Variants in NCKAP5 observed in about 807,000 individuals in gnomAD.
NCKAP5 encodes nck-associated protein 5.
Under a neutral mutation model 167.0 loss-of-function variants are expected in NCKAP5, and 92 were observed. The ratio of observed to expected loss-of-function variants is 0.55; its 90% CI spans 0.47 to 0.66. The LOEUF is 0.66. Ranked by LOEUF, NCKAP5 falls within the 30% of genes least tolerant of loss-of-function variation. The probability of loss-of-function intolerance (pLI) is 0.00; values close to 1 mark genes in which losing one functional copy is unlikely to be tolerated. For missense variants in NCKAP5, 2,378 were observed against 2,315.0 expected (o/e 1.03, Z -0.56); for synonymous variants, 891 against 877.4 (o/e 1.02, Z -0.27).
chr2:132,996,967 T>C (rs1438538744), intron 6 of NCKAP5, among the ~76,000 whole-genome samples: 1 of 152,214 alleles, frequency 6.6e-6, no homozygotes, highest in Admixed American at 6.5e-5. Flanking sequence ...CAGGCCCATC[T>C]TGAAGCATGT....
rs756453753 is a variant in NCKAP5 at position 132,773,865 on chromosome 2, C to T, written c.5079G>A (p.Glu1693=). The part of the protein sequence containing the change: ...LVKEANENLQ[E]DEDDAVADSV... ...AATCTGCAACTGCATCGTCTTCATC[C>T]TCTTGCAAGTTTTCATTTGCCTCTT... The change falls in exon 16 of 20, where the codon GAG becomes GAA. Residue 1693 remains glutamate, a synonymous_variant. Transcript: ENST00000409261. 3 of 1,610,554 alleles carry T rather than the reference C, an allele frequency of 1.9e-6. No homozygotes were observed. The highest frequency in any genetic ancestry group is 2.2e-5 in the South Asian group (2 of 90,038).
At chr2:133,393,252 G>A (rs932501112) in intron 3 of NCKAP5, among the ~76,000 whole-genome samples, 4 of 152,262 alleles carry the variant, frequency 2.6e-5, no homozygotes, top group Admixed American at 2.0e-4. Context: ...GTTTGACCTT[G>A]TCAAAATCCT....
chr2:132,952,589 A>C (rs571371903), intron 8 of NCKAP5, among the ~76,000 whole-genome samples: 2 of 152,334 alleles, frequency 1.3e-5, no homozygotes, highest in African/African-American at 4.8e-5. Context: ...GCTGTAAAAC[A>C]GCAATGGAGA....
In NCKAP5 at chr2:132,839,500, C is replaced by T. The variant is rs562930686; in HGVS notation, c.807+20992G>A. On this transcript the variant is annotated intron_variant, in intron 11 of 19. Transcript: ENST00000409261. ...AAATGGTGGAGTGCAACAGCTCATG[C>T]CTGTAATCCCAACACTTCAGGAGGC... Among the ~76,000 whole-genome samples, 7 of 152,172 alleles carry T rather than the reference C, an allele frequency of 4.6e-5. No individual in the cohort carries two copies. The South Asian group carries it at 1.2e-3, about 27-fold the overall frequency.
At chr2:133,437,446 T>TA (rs1690561332) in intron 3 of NCKAP5, among the ~76,000 whole-genome samples, 1 of 152,206 alleles carries the variant, frequency 6.6e-6, no homozygotes, top group African/African-American at 2.4e-5. Context: ...AAGGCTGGCG[T>TA]AAAAAACTGA....
chr2:133,413,402 G>A (rs1453929487), intron 3 of NCKAP5, among the ~76,000 whole-genome samples: 1 of 152,160 alleles, frequency 6.6e-6, no homozygotes, highest in African/African-American at 2.4e-5. Flanking sequence ...GCCCTCAAAT[G>A]TGTTGTGATT....
intron 5 of NCKAP5, among the ~76,000 whole-genome samples, chr2:133,177,164 C>CTCTCTCTATATATATATATA (rs2084499385): frequency 1.4e-5 from 2 of 138,608 alleles, no homozygotes; most frequent in African/African-American, 5.7e-5. Context: ...GTTTTGTTTT[C>CTCTCTCTATATATATATATA]TATATATATA....
At chr2:133,063,656 C>T (rs909927362) in intron 6 of NCKAP5, among the ~76,000 whole-genome samples, 63 of 152,128 alleles carry the variant, frequency 4.1e-4, no homozygotes, top group African/African-American at 1.4e-3. Flanking sequence ...GTAGGCTTTT[C>T]TTGGCATTTT....
At chr2:133,118,399 T>A (rs1178487964) in intron 6 of NCKAP5, 1 of 151,158 alleles carries the variant, frequency 6.6e-6, no homozygotes, top group South Asian at 2.1e-4. Flanking sequence ...ATAAATTAGA[T>A]TTTTTTTAAA....
the NCKAP5 span, among the ~76,000 whole-genome samples, chr2:133,603,133 GAAGCAGC>G: frequency 5.3e-5 from 8 of 152,130 alleles, no homozygotes; most frequent in African/African-American, 1.9e-4. Flanking sequence ...ACTACAGAAG[GAAGCAGC>G]CTCCTCGGAG....
At chr2:132,743,251 A>G (rs569676571) in intron 16 of NCKAP5, among the ~76,000 whole-genome samples, 46 of 151,980 alleles carry the variant, frequency 3.0e-4, no homozygotes, top group African/African-American at 8.4e-4. Flanking sequence ...GGAGGTAAAT[A>G]TAGGTGTTAA....
upstream of NCKAP5, among the ~76,000 whole-genome samples, chr2:133,571,859 T>G (rs970819608): frequency 6.6e-6 from 1 of 152,082 alleles, no homozygotes; most frequent in Non-Finnish European, 1.5e-5. Flanking sequence ...TGCCATTGGC[T>G]TTCAGTGCAT....
At chr2:133,439,397 C>A (rs1389277589) in intron 3 of NCKAP5, among the ~76,000 whole-genome samples, 2 of 152,102 alleles carry the variant, frequency 1.3e-5, no homozygotes, top group Admixed American at 6.5e-5. Flanking sequence ...ATAAGATTAA[C>A]AAAGCTTGAA....
intron 4 of NCKAP5, among the ~76,000 whole-genome samples, chr2:133,228,657 T>C (rs898865004): frequency 1.3e-5 from 2 of 152,174 alleles, no homozygotes; most frequent in African/African-American, 2.4e-5. Context: ...TTGTATAATA[T>C]TAGAGCCAGA....
upstream of NCKAP5, among the ~76,000 whole-genome samples, chr2:133,572,028 T>A (rs1156386715): frequency 6.6e-6 from 1 of 151,522 alleles, no homozygotes; most frequent in Non-Finnish European, 1.5e-5. Flanking sequence ...TACACACTAT[T>A]ATCTTCACTC....
At position 133,549,467 on chromosome 2, in the gene NCKAP5, A is replaced by C. The variant is rs1575142376; in HGVS notation, c.-62+9583T>G. Among the ~76,000 whole-genome samples, 6 of 132,872 alleles carry C rather than the reference A, an allele frequency of 4.5e-5. No individual in the cohort carries two copies. The South Asian group carries it at 1.7e-3, about 37-fold the overall frequency. 87.2% of individuals were successfully genotyped at this position (132,872 alleles called of 152,430 possible). ...CACTCAAAACCGCTCAACTACATGG[A>C]AACTGAACAACCTGCTCCTGAATGA... On this transcript the variant is annotated intron_variant, in intron 2 of 19. Coordinates refer to ENST00000409261, the MANE Select transcript of NCKAP5 (RefSeq NM_207363.3).
At chr2:133,053,623 AC>A (rs1208722757) in intron 6 of NCKAP5, among the ~76,000 whole-genome samples, 1 of 152,168 alleles carries the variant, frequency 6.6e-6, no homozygotes, top group Non-Finnish European at 1.5e-5. Context: ...GCAAATCAGC[AC>A]TAGTCTAATC....
rs1574456689 is a variant in NCKAP5 at position 132,863,748 on chromosome 2, C to T, written c.688-3137G>A. Among the ~76,000 whole-genome samples the T allele has an allele frequency of 4.6e-5, 7 of 152,262 alleles. 1 individual carries two copies. The South Asian group carries it at 1.5e-3, about 32-fold the overall frequency. ...AAAATCTGTAGATAGGAAAGAATCG[C>T]TTGCGTTGTTTTTAATATTCTTATT... On this transcript the variant is annotated intron_variant, in intron 10 of 19. Coordinates refer to ENST00000409261, the MANE Select transcript of NCKAP5 (RefSeq NM_207363.3).
intron 6 of NCKAP5, among the ~76,000 whole-genome samples, chr2:132,997,049 C>A (rs1421766554): frequency 6.6e-6 from 1 of 152,222 alleles, no homozygotes; most frequent in East Asian, 1.9e-4. Context: ...GCTTCTCCCT[C>A]TTACTAAGGG....
Sources: gnomAD v4.1 joint callset for allele counts (sites outside exome capture counted in the v4.1 genomes callset) on GRCh38, gnomAD v4.1.1 for gene constraint, MANE v1.5 for transcripts, NCBI Gene and HGNC (gene_info 2026-07-23, HGNC 2026-07-21) for gene names.